Variants in DDB1 observed in about 807,000 individuals in gnomAD.
DDB1 encodes the protein damage specific DNA binding protein 1.
DDB1 carries 18 observed loss-of-function variants against 133.1 expected under a neutral mutation model. That is an observed-to-expected ratio of 0.14 (90% CI 0.09 to 0.20). The LOEUF is 0.20. DDB1 is among the 10% of genes least tolerant of loss of function. DDB1 has a pLI of 1.00. For synonymous variants in DDB1, 580 were observed against 550.5 expected, an observed-to-expected ratio of 1.05 and a Z score of -0.75; for missense variants, 828 against 1,459.2, an observed-to-expected ratio of 0.57 and a Z score of 7.05.
intron 18 of DDB1, 82 bp downstream of exon 18, chr11:61,311,702 C>A: frequency 7.8e-7 from 1 of 1,289,478 alleles, no homozygotes; most frequent in East Asian, 2.4e-5. Context: ...CCTGCAAAGC[C>A]GAAAGCCTTC....
In DDB1 at chr11:61,321,801, A is replaced by G. The variant is rs1856184645; in HGVS notation, c.1123-104T>C. The G allele has an allele frequency of 4.9e-5, 49 of 995,972 alleles. No homozygotes were observed. The South Asian group carries it at 6.6e-4, about 13-fold the overall frequency. 61.7% of individuals were successfully genotyped at this position (995,972 alleles called of 1,614,324 possible). A position where few individuals can be genotyped will look rare whatever the true frequency, so the allele number is the denominator to read the frequency against. The stretch of plus-strand genomic sequence containing the variant: ...GGTATACCTAAATCCAAGAACCTTT[A>G]TTGTGGGGCTAGGTTTGAGGATGCA... On this transcript the variant is annotated intron_variant, in intron 9 of 26. Coordinates refer to ENST00000301764, the MANE Select transcript of DDB1 (RefSeq NM_001923.5).
At chr11:61,303,361 G>A in intron 22 of DDB1, 1 of 518,348 alleles carries the variant, frequency 1.9e-6, no homozygotes, top group Non-Finnish European at 3.5e-6. Context: ...CAGAGATGGA[G>A]CCTAGTCAGA....
At chr11:61,303,351 C>A in intron 22 of DDB1, 196 bp from the exon 23 acceptor site, 1 of 538,560 alleles carries the variant, frequency 1.9e-6, no homozygotes, top group Non-Finnish European at 3.3e-6. Context: ...GCCAACTGCC[C>A]AGAGATGGAG....
intron 25 of DDB1, chr11:61,301,946 T>C (rs1855802817): frequency 4.1e-6 from 1 of 241,784 alleles, no homozygotes; most frequent in Admixed American, 4.7e-5. Context: ...GCTCCTGTGT[T>C]GTGATCTAAA....
In DDB1 at chr11:61,316,252, T is replaced by C. The variant is rs752937160; in HGVS notation, c.1410+33A>G. 2.5e-6 allele frequency: 4 copies of C among 1,590,480 alleles called. No individual in the cohort carries two copies. In the South Asian group the frequency reaches 3.3e-5, roughly 13 times the overall value. ...TACTGCATCTAGGTCAATTCAAGTA[T>C]ATGGTAACACCTGCCCCTTTCTCAG... is the stretch of plus-strand genomic sequence containing the variant. On this transcript the variant is annotated intron_variant, in intron 12 of 26. Coordinates refer to ENST00000301764, the MANE Select transcript of DDB1 (RefSeq NM_001923.5).
chr11:61,309,629 T>C (rs1855929979), intron 20 of DDB1, among the ~76,000 whole-genome samples, 167 bp downstream of exon 20: 1 of 152,172 alleles, frequency 6.6e-6, no homozygotes, highest in Non-Finnish European at 1.5e-5. Flanking sequence ...TACTGTGTAC[T>C]GTTCACATGC....
chr11:61,316,518 C>T lies in DDB1; in HGVS notation c.1275G>A (p.Leu425=), dbSNP rs769500377. 1 of 1,614,092 alleles carries T rather than the reference C, an allele frequency of 6.2e-7. No individual in the cohort carries two copies. The highest frequency in any genetic ancestry group is 8.5e-7 in the Non-Finnish European group (1 of 1,180,024). The change falls in exon 11 of 27, where the codon TTG becomes TTA. Residue 425 remains leucine, a synonymous_variant. Coordinates refer to ENST00000301764, the MANE Select transcript of DDB1 (RefSeq NM_001923.5). ...TTGTCTGGCCCACAAAAGAGAGCAC[C>T]AAAGTGTCATCAGTCTCACGATTAG... ...SDPNRETDDT[L]VLSFVGQTRV... is the part of the protein sequence containing the mutation.
intron 9 of DDB1, 187 bp downstream of exon 9, chr11:61,322,109 T>G: frequency 1.6e-6 from 1 of 628,076 alleles, no homozygotes; most frequent in Non-Finnish European, 2.9e-6. Flanking sequence ...AGAGATAATG[T>G]ATATAAAGTG....
Position 61,331,552 on chromosome 11 carries a change from G to T in DDB1, c.201C>A (p.Phe67Leu). Residue 67 changes from phenylalanine (F) to leucine (L), a missense_variant, in exon 2 of 27, where the codon TTC becomes TTA. Coordinates refer to ENST00000301764, the MANE Select transcript of DDB1 (RefSeq NM_001923.5). ...MYGKIAVMEL[F>L]RPKGESKDLL... ...CAACTGCAACACTTACCTTGGGCCT[G>T]AAAAGCTCCATGACCGCAATCTTCC... 2 of 1,614,082 alleles carry T rather than the reference G, an allele frequency of 1.2e-6. No homozygotes were observed. The highest frequency in any genetic ancestry group is 1.7e-6 in the Non-Finnish European group (2 of 1,179,978).
intron 4 of DDB1, among the ~76,000 whole-genome samples, chr11:61,327,875 A>T (rs17549396): frequency 0.03 from 4,587 of 152,362 alleles, 89 homozygotes; most frequent in Non-Finnish European, 0.046. Flanking sequence ...CTCCTGAAGC[A>T]TGAATACCTT....
Position 61,318,234 on chromosome 11 carries a change from A to G in DDB1, c.1226-1667T>C, listed in dbSNP as rs564213528. On this transcript the variant is annotated intron_variant, in intron 10 of 26. Coordinates refer to ENST00000301764, the MANE Select transcript of DDB1 (RefSeq NM_001923.5). ...TATGCAGATTAACAAATCCCTTCTC[A>G]TTATATTTATTCAGTATTTTGCTAT... is the stretch of plus-strand genomic sequence containing the variant. 1.1e-4 allele frequency among the ~76,000 whole-genome samples: 17 copies of G among 152,264 alleles called. No individual in the cohort carries two copies. The South Asian group carries it at 3.5e-3, about 31-fold the overall frequency.
chr11:61,316,940 AGGAT>A (rs1291066536), intron 10 of DDB1, among the ~76,000 whole-genome samples: 9 of 60,384 alleles, frequency 1.5e-4, no homozygotes, highest in African/African-American at 5.2e-4. Context: ...AAAAAAAAAA[AGGAT>A]AGATATATAT....
chr11:61,312,226 A>G, intron 16 of DDB1, 142 bp from the exon 17 acceptor site: 1 of 700,792 alleles, frequency 1.4e-6, no homozygotes, highest in Non-Finnish European at 2.5e-6. Flanking sequence ...GAGACAGACA[A>G]TTCTGATTCC....
rs1856023724 is a variant in DDB1 at position 61,314,064 on chromosome 11, T to C, written c.1736A>G (p.Lys579Arg). ...LKLPSFELLH[K>R]EMLGGEIIPR... ...ACACATACCTCCACCCAGCATCTCC[T>C]TGTGCAGTAGTTCAAAAGAGGGCAA... Residue 579 changes from lysine (K) to arginine (R), a missense_variant, in exon 14 of 27, where the codon AAG becomes AGG. By Grantham distance (26) the Lys-to-Arg change is conservative (BLOSUM62 2). Coordinates refer to ENST00000301764, the MANE Select transcript of DDB1 (RefSeq NM_001923.5). 2 of 1,613,916 alleles carry C rather than the reference T, an allele frequency of 1.2e-6. No individual in the cohort carries two copies. Among genetic ancestry groups the C allele is most frequent in the African/African-American group, 2.7e-5 (2 of 74,884 alleles).
At chr11:61,329,736 G>T in intron 3 of DDB1, 152 bp from the exon 4 acceptor site, 1 of 774,008 alleles carries the variant, frequency 1.3e-6, no homozygotes, top group Non-Finnish European at 2.0e-6. Flanking sequence ...CAATGTCAGT[G>T]CATGCCTTTT....
intron 7 of DDB1, chr11:61,323,393 T>C (rs1412574368): frequency 5.6e-6 from 2 of 357,786 alleles, no homozygotes; most frequent in Non-Finnish European, 1.0e-5. Flanking sequence ...CTCCCAGAAC[T>C]GAAATCAGCA....
intron 10 of DDB1, among the ~76,000 whole-genome samples, chr11:61,319,231 A>G (rs546175423): frequency 1.2e-3 from 189 of 152,322 alleles, no homozygotes; most frequent in Admixed American, 3.9e-3. Flanking sequence ...ATAAAAATTT[A>G]AAAAGTCCCA....
chr11:61,331,678 C>T lies in DDB1; in HGVS notation c.75G>A (p.Ser25=), dbSNP rs774733588. The change falls in exon 2 of 27, where the codon TCG becomes TCA. Residue 25 remains serine, a synonymous_variant. Transcript: ENST00000301764. ...CAATCAACAGGTTTAAGTCTTCGGCCGAAGTAAAGTGTCCTGAAAGAACAG... is the reference window on the plus strand; with the variant it reads ...CAATCAACAGGTTTAAGTCTTCGGCTGAAGTAAAGTGTCCTGAAAGAACAG... The part of the protein sequence containing the change: ...VNGCVTGHFT[S]AEDLNLLIAK... 9.3e-6 allele frequency: 15 copies of T among 1,613,956 alleles called. No individual in the cohort carries two copies. The highest frequency in any genetic ancestry group is 3.3e-4 in the Middle Eastern group (2 of 6,084).
Position 61,329,599 on chromosome 11 carries a change from C to T in DDB1, c.328-15G>A, listed in dbSNP as rs746001830. ...CCAATGCGGTCCTGAGAAACAAAAT[C>T]GGGATTAGGGAAGAACCTCAACATC... is the stretch of plus-strand genomic sequence containing the variant. On this transcript the variant is annotated splice_polypyrimidine_tract_variant and intron_variant, in intron 3 of 26. Transcript: ENST00000301764. The T allele has an allele frequency of 8.2e-6, 13 of 1,593,512 alleles. No individual in the cohort carries two copies. Among genetic ancestry groups the T allele is most frequent in the African/African-American group, 5.4e-5 (4 of 74,514 alleles).
Sources: gnomAD v4.1 joint callset for allele counts (sites outside exome capture counted in the v4.1 genomes callset) on GRCh38, gnomAD v4.1.1 for gene constraint, MANE v1.5 for transcripts, NCBI Gene and HGNC (gene_info 2026-07-23, HGNC 2026-07-21) for gene names.